Variants in SHMT1 observed in about 807,000 individuals in gnomAD.
SHMT1 encodes serine hydroxymethyltransferase 1.
A neutral mutation model predicts 49.0 loss-of-function variants in SHMT1; 45 were observed. The ratio of observed to expected loss-of-function variants is 0.92; its 90% CI spans 0.72 to 1.18. SHMT1 has a LOEUF of 1.18. Among genes scored for constraint, SHMT1 ranks in the 50% most tolerant of loss-of-function variants. The pLI is 0.00. For synonymous variants in SHMT1, 232 were observed against 246.6 expected (o/e 0.94, Z 0.55); for missense variants, 541 against 612.4 (o/e 0.88, Z 1.23).
intron 8 of SHMT1, 99 bp from the exon 9 acceptor site, chr17:18,333,387 T>A: frequency 8.3e-7 from 1 of 1,203,444 alleles, no homozygotes. Flanking sequence ...TTCCTTGCTT[T>A]TCAATGTCAC....
At position 18,340,092 on chromosome 17, in the gene SHMT1, AGTG is replaced by A; in HGVS notation, c.762_764del (p.Thr255del). ...CTCGGCAGCCTCGCAGGGTCTTGTG[AGTG>A]GTGGTGGTCACCACATGGCAGTGTT... On this transcript the variant is annotated inframe_deletion, in exon 7 of 12. Transcript: ENST00000316694. The surrounding 1 kb of genome is among the most constrained non-coding windows in gnomAD (Gnocchi z 4.5). 2 of 1,614,104 alleles carry A rather than the reference AGTG, an allele frequency of 1.2e-6. No individual in the cohort carries two copies. Among genetic ancestry groups the A allele is most frequent in the Non-Finnish European group, 8.5e-7 (1 of 1,180,032 alleles).
intron 1 of SHMT1, among the ~76,000 whole-genome samples, chr17:18,360,937 A>G (rs1175163242): frequency 6.6e-6 from 1 of 152,164 alleles, no homozygotes; most frequent in African/African-American, 2.4e-5. Flanking sequence ...TGGGAGGCCG[A>G]GGTGGGTGGA....
chr17:18,341,152 T>G (rs1216859042), intron 5 of SHMT1: 3 of 359,006 alleles, frequency 8.4e-6, no homozygotes, highest in African/African-American at 2.1e-5. Context: ...AAGACCAAAA[T>G]GCCTGCTAAT....
At chr17:18,352,150 C>CTTTTTT (rs60700438) in intron 3 of SHMT1, among the ~76,000 whole-genome samples, 1,639 of 132,738 alleles carry the variant, frequency 0.012, 60 homozygotes, top group African/African-American at 0.039. Context: ...CAGTCCCCTT[C>CTTTTTT]TTTTTTTTTT....
rs1056125793 is a variant in SHMT1 at position 18,328,051 on chromosome 17, A to G, written c.*699T>C. ...ACGTGAAAATAAAATTTCTTTGGGA[A>G]GGTGACATTTGGCTTCCTGATTACG... On this transcript the variant is annotated 3_prime_UTR_variant, in exon 12 of 12. Transcript: ENST00000316694. 1 of 152,524 alleles carries G rather than the reference A, an allele frequency of 6.6e-6. No individual in the cohort carries two copies. Among genetic ancestry groups the G allele is most frequent in the Non-Finnish European group, 1.5e-5 (1 of 68,074 alleles). 9.4% of individuals were successfully genotyped at this position (152,524 alleles called of 1,614,324 possible). A position where few individuals can be genotyped will look rare whatever the true frequency, so the allele number is the denominator to read the frequency against.
intron 1 of SHMT1, among the ~76,000 whole-genome samples, chr17:18,361,427 G>A (rs1427329158): frequency 6.6e-6 from 1 of 150,984 alleles, no homozygotes; most frequent in African/African-American, 2.4e-5. Flanking sequence ...GCAGTGGACC[G>A]AGATCATGCC....
At chr17:18,353,522 A>ATC in intron 3 of SHMT1, 150 bp downstream of exon 3, 4 of 849,004 alleles carry the variant, frequency 4.7e-6, no homozygotes, top group Non-Finnish European at 8.2e-6. Context: ...CTGGGAATAA[A>ATC]AGAGTTCTGT....
chr17:18,338,485 G>T (rs1304986196), intron 7 of SHMT1, among the ~76,000 whole-genome samples: 1 of 144,628 alleles, frequency 6.9e-6, no homozygotes, highest in East Asian at 1.9e-4. Context: ...GGGAAGTGAG[G>T]AGCCCCTCTG....
intron 4 of SHMT1, 77 bp from the exon 5 acceptor site, chr17:18,347,733 A>T (rs1985243415): frequency 9.7e-6 from 15 of 1,546,378 alleles, no homozygotes; most frequent in Middle Eastern, 3.4e-4. Context: ...TTGGCCACTA[A>T]GCCTTCACCC....
rs1455524193 is a variant in SHMT1, at chr17:18,353,796, C to T, written c.118G>A (p.Glu40Lys). 6.2e-7 allele frequency: 1 copy of T among 1,614,184 alleles called. No individual in the cohort carries two copies. The highest frequency in any genetic ancestry group is 2.2e-5 in the East Asian group (1 of 44,888). The change falls in exon 3 of 12, where the codon GAG becomes AAG. Residue 40 changes from glutamate (E) to lysine (K), a missense_variant. Transcript: ENST00000316694. ...DVEVYNIIKK[E>K]SNRQRVGLEL... ...AATCCAACCCTCTGCCGGTTACTCT[C>T]CTTCTTAATGATGTTGTAAACCTTA...
intron 5 of SHMT1, among the ~76,000 whole-genome samples, chr17:18,345,198 C>T (rs1380910498): frequency 6.6e-6 from 1 of 152,214 alleles, no homozygotes. Flanking sequence ...AGGACTGCAG[C>T]CTGCACAATG....
chr17:18,333,123 C>A, intron 9 of SHMT1, 43 bp downstream of exon 9: 2 of 1,612,264 alleles, frequency 1.2e-6, no homozygotes, highest in South Asian at 1.1e-5. Context: ...AGCCTTAATA[C>A]AACCACAAGA....
At chr17:18,331,907 C>T (rs913738096) in intron 9 of SHMT1, 2 of 152,264 alleles carry the variant, frequency 1.3e-5, no homozygotes, top group Admixed American at 1.3e-4. Context: ...CATAAGGATG[C>T]AGGTATAATC....
chr17:18,362,424 G>C (rs556316635), intron 1 of SHMT1, among the ~76,000 whole-genome samples: 1 of 151,970 alleles, frequency 6.6e-6, no homozygotes, highest in Non-Finnish European at 1.5e-5. Flanking sequence ...GGGTTCAAGC[G>C]ATTCTCCTGC....
Position 18,346,376 on chromosome 17 carries a change from T to C in SHMT1, c.519+1120A>G, listed in dbSNP as rs1026576993. 2.6e-5 allele frequency among the ~76,000 whole-genome samples: 4 copies of C among 152,202 alleles called. No homozygotes were observed. The South Asian group carries it at 8.3e-4, about 31-fold the overall frequency. ...TCTTCTTCCCATTATCCTTCGTTTT[T>C]ATAGATAAATCACCATGCCTGAATA... On this transcript the variant is annotated intron_variant, in intron 5 of 11. Transcript: ENST00000316694.
chr17:18,329,164 A>C (rs1032304956), intron 11 of SHMT1, 114 bp downstream of exon 11: 22 of 925,762 alleles, frequency 2.4e-5, no homozygotes, highest in African/African-American at 4.9e-5. Flanking sequence ...TCCCACCCCA[A>C]CACTCAGCCT....
Position 18,347,605 on chromosome 17 carries a change from C to T in SHMT1, c.410G>A (p.Arg137His), listed in dbSNP as rs766011995. The T allele has an allele frequency of 2.7e-5, 44 of 1,614,006 alleles. No individual in the cohort carries two copies. Among genetic ancestry groups the T allele is most frequent in the African/African-American group, 1.5e-4 (11 of 74,934 alleles). ...ATCCGGAAGGTCCAGGCCCATGATG[C>T]GCCCATGGGGTTCCACCAGGGCAGT... ...VYTALVEPHG[R>H]IMGLDLPDGG... The change falls in exon 5 of 12, where the codon CGC becomes CAC. Residue 137 changes from arginine (R) to histidine (H), a missense_variant. Transcript: ENST00000316694.
At chr17:18,332,572 A>T (rs1425361378) in intron 9 of SHMT1, 2 of 179,462 alleles carry the variant, frequency 1.1e-5, no homozygotes, top group Non-Finnish European at 2.4e-5. Context: ...GCCTGCCAAA[A>T]AAATGCGTTC....
chr17:18,334,746 T>C (rs529465461), intron 8 of SHMT1, among the ~76,000 whole-genome samples: 10 of 152,072 alleles, frequency 6.6e-5, no homozygotes, highest in Non-Finnish European at 1.3e-4. Context: ...TCAATACTTG[T>C]GAAAACAACT....
Sources: gnomAD v4.1 joint callset for allele counts (sites outside exome capture counted in the v4.1 genomes callset) on GRCh38, gnomAD v4.1.1 for gene constraint, Gnocchi (gnomAD v3.1) non-coding constraint, MANE v1.5 for transcripts, NCBI Gene and HGNC (gene_info 2026-07-23, HGNC 2026-07-21) for gene names.